TINAG: variants seen among roughly 807,000 people sequenced by gnomAD.
The protein encoded by TINAG is tubulointerstitial nephritis antigen.
TINAG carries 83 observed loss-of-function variants against 72.7 expected under a neutral mutation model. That is an observed-to-expected ratio of 1.14 (90% CI 0.96 to 1.37). The LOEUF (loss-of-function observed/expected upper bound fraction) is 1.37. Among genes scored for constraint, TINAG ranks in the 40% most tolerant of loss-of-function variants. TINAG has a pLI of 0.00. For missense variants in TINAG, 685 were observed against 576.6 expected (o/e 1.19, Z -1.93); for synonymous variants, 234 against 189.9 (o/e 1.23, Z -1.91).
At chr6:54,379,293 C>T (rs1206915587) in intron 9 of TINAG, among the ~76,000 whole-genome samples, 1 of 152,138 alleles carries the variant, frequency 6.6e-6, no homozygotes, top group African/African-American at 2.4e-5. Flanking sequence ...AGACTTGGAG[C>T]CTTGGCTCAA....
intron 7 of TINAG, among the ~76,000 whole-genome samples, chr6:54,350,471 G>A (rs948635867): frequency 1.3e-5 from 2 of 151,642 alleles, no homozygotes; most frequent in East Asian, 1.9e-4. Context: ...CCTTTCATGA[G>A]TTGGTTTTGA....
intron 4 of TINAG, among the ~76,000 whole-genome samples, chr6:54,341,092 C>T (rs1784985952): frequency 6.6e-6 from 1 of 151,988 alleles, no homozygotes. Flanking sequence ...GGAACATATC[C>T]TAGCTTTGTC....
intron 9 of TINAG, among the ~76,000 whole-genome samples, chr6:54,369,623 G>C (rs1307562120): frequency 6.6e-6 from 1 of 151,836 alleles, no homozygotes; most frequent in African/African-American, 2.4e-5. Context: ...TTAGTGTATG[G>C]GAAGCAGTTA....
chr6:54,322,834 T>A (rs550207747), intron 3 of TINAG, among the ~76,000 whole-genome samples: 2 of 152,334 alleles, frequency 1.3e-5, no homozygotes, highest in South Asian at 4.1e-4. Flanking sequence ...CTGTGGCAAA[T>A]CATATTTAAA....
chr6:54,321,658 G>A (rs1219992014), intron 3 of TINAG, among the ~76,000 whole-genome samples: 1 of 151,614 alleles, frequency 6.6e-6, no homozygotes, highest in East Asian at 1.9e-4. Context: ...AAGCTACTTT[G>A]GATAAGTATT....
chr6:54,378,486 G>T (rs1484241488), intron 9 of TINAG, among the ~76,000 whole-genome samples: 3 of 152,124 alleles, frequency 2.0e-5, no homozygotes, highest in Non-Finnish European at 2.9e-5. Context: ...AGAGCTGAAA[G>T]ATTTGCAAGA....
intron 9 of TINAG, among the ~76,000 whole-genome samples, chr6:54,360,072 T>G (rs763991800): frequency 6.6e-6 from 1 of 151,846 alleles, no homozygotes; most frequent in Admixed American, 6.6e-5. Flanking sequence ...GATTGATTTA[T>G]AGTCCTCCTC....
intron 10 of TINAG, 51 bp from the exon 11 acceptor site, chr6:54,389,740 A>G: frequency 6.5e-7 from 1 of 1,544,680 alleles, no homozygotes; most frequent in Non-Finnish European, 8.7e-7. Context: ...CTTTTTTTAA[A>G]AAATACCAAA....
At chr6:54,370,837 T>C in intron 9 of TINAG, among the ~76,000 whole-genome samples, 1 of 152,222 alleles carries the variant, frequency 6.6e-6, no homozygotes, top group Middle Eastern at 3.4e-3. Context: ...CTGAATCAAC[T>C]TGACAGAACA....
chr6:54,322,069 AG>A (rs1179998261), intron 3 of TINAG, among the ~76,000 whole-genome samples: 1 of 152,106 alleles, frequency 6.6e-6, no homozygotes, highest in Non-Finnish European at 1.5e-5. Context: ...TGGGAGGCCA[AG>A]GTGGGTGGGT....
In TINAG at chr6:54,334,548, C is replaced by T. The variant is rs1299816642; in HGVS notation, c.624+7632C>T. ...ACATGATCTCATTTAATTTTCCCAGCAGCATGATGTAGTGGATCCTATCAT... is the reference window on the plus strand; with the variant it reads ...ACATGATCTCATTTAATTTTCCCAGTAGCATGATGTAGTGGATCCTATCAT... On this transcript the variant is annotated intron_variant, in intron 4 of 10. Coordinates refer to ENST00000259782, the MANE Select transcript of TINAG (RefSeq NM_014464.4). Among the ~76,000 whole-genome samples the T allele has an allele frequency of 1.9e-4, 29 of 152,138 alleles. 1 individual carries two copies. The highest frequency in any genetic ancestry group is 1.8e-3 in the Admixed American group (27 of 15,266).
chr6:54,338,537 C>T (rs546831544), intron 4 of TINAG, among the ~76,000 whole-genome samples: 52 of 151,934 alleles, frequency 3.4e-4, no homozygotes, highest in African/African-American at 9.4e-4. Context: ...CTAGCTAACA[C>T]GGTGAAACCC....
chr6:54,355,436 T>C (rs1763003914), intron 9 of TINAG, among the ~76,000 whole-genome samples: 1 of 151,940 alleles, frequency 6.6e-6, no homozygotes, highest in Admixed American at 6.6e-5. Context: ...ATCAAATTGT[T>C]GTCTTCTCCT....
chr6:54,364,333 A>T (rs182995085), intron 9 of TINAG, among the ~76,000 whole-genome samples: 27 of 151,654 alleles, frequency 1.8e-4, no homozygotes, highest in African/African-American at 6.5e-4. Flanking sequence ...CAGAAACGAA[A>T]AAAGGGTTTA....
chr6:54,320,564 A>G lies in TINAG; in HGVS notation c.356-15A>G, dbSNP rs1784467668. 3 of 1,588,470 alleles carry G rather than the reference A, an allele frequency of 1.9e-6. No homozygotes were observed. Among genetic ancestry groups the G allele is most frequent in the Non-Finnish European group, 2.6e-6 (3 of 1,165,828 alleles). ...TAGTTTAGCATTTTCATTTCTTTACATGTTACTTTGACAGGTTGCTTCAAA... is the reference window on the plus strand; with the variant it reads ...TAGTTTAGCATTTTCATTTCTTTACGTGTTACTTTGACAGGTTGCTTCAAA... On this transcript the variant is annotated splice_polypyrimidine_tract_variant and intron_variant, in intron 1 of 10. Transcript: ENST00000259782.
chr6:54,327,685 A>T (rs1784640240), intron 4 of TINAG, among the ~76,000 whole-genome samples: 1 of 152,120 alleles, frequency 6.6e-6, no homozygotes. Context: ...CGCAGAGCCC[A>T]GCAAACTAAG....
rs184725106 is a variant in TINAG at position 54,358,796 on chromosome 6, T to C, written c.1250+4160T>C. ...ACCCCTGAAGGGCTGGCCTGGACTT[T>C]GGCAACCCAATTGACTTCTAGTATG... On this transcript the variant is annotated intron_variant, in intron 9 of 10. Transcript: ENST00000259782. Among the ~76,000 whole-genome samples, 299 of 151,984 alleles carry C rather than the reference T, an allele frequency of 2.0e-3. 3 individuals are homozygous for C. Among genetic ancestry groups the C allele is most frequent in the African/African-American group, 6.6e-3 (274 of 41,528 alleles).
intron 9 of TINAG, chr6:54,369,970 A>G (rs1193254685): frequency 1.3e-5 from 2 of 152,036 alleles, no homozygotes; most frequent in Admixed American, 6.6e-5. Context: ...CTAAAAAGAA[A>G]TGGCCAAACA....
intron 4 of TINAG, among the ~76,000 whole-genome samples, chr6:54,331,080 A>T (rs1784728645): frequency 6.6e-6 from 1 of 152,214 alleles, no homozygotes; most frequent in Non-Finnish European, 1.5e-5. Context: ...CAATAGAAAA[A>T]GAGTGACTCC....
Sources: allele counts gnomAD v4.1 joint callset (sites outside exome capture counted in the v4.1 genomes callset), GRCh38; gene constraint gnomAD v4.1.1; transcripts MANE v1.5; gene names NCBI Gene and HGNC (gene_info 2026-07-23, HGNC 2026-07-21).